Variants in IST1 observed in about 807,000 individuals in gnomAD.
The protein encoded by IST1 is IST1 homolog.
A neutral mutation model predicts 37.0 loss-of-function variants in IST1; 23 were observed. The observed-to-expected ratio is 0.62, with a 90% CI of 0.45 to 0.88. IST1 has a LOEUF of 0.88. Among genes scored for constraint, IST1 ranks in the 40% least tolerant of loss-of-function variants. The pLI is 0.00. For missense variants in IST1, 488 were observed against 445.4 expected, an observed-to-expected ratio of 1.10 and a Z score of -0.86; for synonymous variants, 180 against 161.7, an observed-to-expected ratio of 1.11 and a Z score of -0.86.
intron 7 of IST1, 49 bp from the exon 8 acceptor site, chr16:71,923,239 A>G: frequency 9.2e-7 from 1 of 1,090,554 alleles, no homozygotes. Context: ...AACCTTCGAG[A>G]TTGCAAACTG....
chr16:71,921,392 G>A lies in IST1; in HGVS notation c.491G>A (p.Arg164Lys). 6.2e-7 allele frequency: 1 copy of A among 1,613,910 alleles called. No homozygotes were observed. The highest frequency in any genetic ancestry group is 8.5e-7 in the Non-Finnish European group (1 of 1,179,902). The change falls in exon 6 of 10, where the codon AGA becomes AAA. Residue 164 changes from arginine (R) to lysine (K), a missense_variant. By Grantham distance (26) the Arg-to-Lys change is conservative (BLOSUM62 2). This residue lies in a region of IST1 where 455 missense variants were observed against 386.2 expected (regional missense o/e 1.18). Transcript: ENST00000378799. The stretch of plus-strand genomic sequence containing the variant: ...GCCCCACCCAAAATCCTGGTGGAGA[G>A]ATACCTGATTGAAATTGCAAAGAAT... ...VEAPPKILVE[R>K]YLIEIAKNYN... is the part of the protein sequence containing the mutation.
chr16:71,921,650 A>G (rs1597253727), intron 6 of IST1, 197 bp downstream of exon 6: 2 of 520,382 alleles, frequency 3.8e-6, no homozygotes, highest in East Asian at 3.1e-5. Flanking sequence ...ACACTTTGAG[A>G]AGGTCAAAAC....
At chr16:71,919,945 G>A (rs1567470744) in intron 4 of IST1, among the ~76,000 whole-genome samples, 1 of 152,138 alleles carries the variant, frequency 6.6e-6, no homozygotes, top group Non-Finnish European at 1.5e-5. Context: ...ACCTTCTGCA[G>A]AAAGGGTGCT....
chr16:71,923,743 T>TA (rs1259639260), intron 8 of IST1, among the ~76,000 whole-genome samples: 4 of 152,204 alleles, frequency 2.6e-5, no homozygotes, highest in African/African-American at 9.6e-5. Context: ...ATTAAAATAT[T>TA]AGTCCTATGT....
In IST1 at chr16:71,930,004, C is replaced by T; in HGVS notation, c.*2191C>T. The T allele has an allele frequency of 6.6e-7, 1 of 1,515,832 alleles. No homozygotes were observed. The allele number at this position is 1,515,832 out of a possible 1,614,324, so 93.9% of individuals were successfully genotyped here. ...CATCTTAGGGGCAGTTACAGTGGAG[C>T]TTTCCCAGTGATATAACAGCATGCT... is the stretch of plus-strand genomic sequence containing the variant. On this transcript the variant is annotated 3_prime_UTR_variant, in exon 10 of 10. Coordinates refer to ENST00000378799, the MANE Select transcript of IST1 (RefSeq NM_001270975.2).
intron 1 of IST1, among the ~76,000 whole-genome samples, chr16:71,902,627 A>G (rs2037133685): frequency 6.6e-6 from 1 of 152,188 alleles, no homozygotes; most frequent in Non-Finnish European, 1.5e-5. Flanking sequence ...CTTTGTGTCA[A>G]ATTTAGTAAA....
Position 71,915,601 on chromosome 16 carries a change from G to C in IST1, c.-15-25G>C. ...CTGAACTAATGTTGACTTGAAAATA[G>C]TCATTGTGCTTCTTCTGTTTCTAGG... On this transcript the variant is annotated intron_variant, in intron 1 of 9. Transcript: ENST00000378799. The C allele has an allele frequency of 3.9e-6, 6 of 1,532,696 alleles. No homozygotes were observed. In the South Asian group the frequency reaches 4.6e-5, roughly 12 times the overall value. The allele number at this position is 1,532,696 out of a possible 1,614,324, so 94.9% of individuals were successfully genotyped here.
At chr16:71,900,523 C>T (rs768410558) in intron 1 of IST1, among the ~76,000 whole-genome samples, 78 of 151,760 alleles carry the variant, frequency 5.1e-4, no homozygotes, top group Non-Finnish European at 1.0e-3. Context: ...CTAACTAGCT[C>T]GCGAAGTCTC....
intron 1 of IST1, among the ~76,000 whole-genome samples, chr16:71,915,089 G>A (rs1207056096): frequency 6.6e-6 from 1 of 152,146 alleles, no homozygotes; most frequent in Non-Finnish European, 1.5e-5. Flanking sequence ...GTACTCTTGG[G>A]TACTAGCTTT....
At chr16:71,910,138 C>T (rs1432497780) in intron 1 of IST1, among the ~76,000 whole-genome samples, 1 of 152,096 alleles carries the variant, frequency 6.6e-6, no homozygotes, top group Non-Finnish European at 1.5e-5. Context: ...TCTAAAATTG[C>T]AGGAATAAAC....
intron 9 of IST1, 111 bp downstream of exon 9, chr16:71,924,928 C>T (rs948285242): frequency 1.3e-6 from 1 of 749,492 alleles, no homozygotes; most frequent in South Asian, 1.6e-5. Context: ...CTTCTATCTG[C>T]ATGCCCTGTT....
chr16:71,920,180 A>G (rs2037548237), intron 4 of IST1, among the ~76,000 whole-genome samples: 1 of 152,180 alleles, frequency 6.6e-6, no homozygotes, highest in South Asian at 2.1e-4. Flanking sequence ...AGACTTAGAA[A>G]AGTACTAACA....
intron 1 of IST1, among the ~76,000 whole-genome samples, chr16:71,906,202 G>T (rs992052484): frequency 2.0e-5 from 3 of 150,836 alleles, no homozygotes; most frequent in East Asian, 1.9e-4. Context: ...ACGGGGTTTC[G>T]CTGTGTTAGC....
rs1412371440 is a variant in IST1, at chr16:71,918,620, G to A, written c.357+1486G>A. On this transcript the variant is annotated intron_variant, in intron 4 of 9. Coordinates refer to ENST00000378799, the MANE Select transcript of IST1 (RefSeq NM_001270975.2). Reference sequence around the variant, plus strand: ...TTTGGTAGAGACGGGATTTCATCATGTTGACCAGGCTGGTCTCGAACTCCT... The same window carrying A: ...TTTGGTAGAGACGGGATTTCATCATATTGACCAGGCTGGTCTCGAACTCCT... 1.1e-3 allele frequency among the ~76,000 whole-genome samples: 164 copies of A among 152,178 alleles called. 1 individual carries two copies. Among genetic ancestry groups the A allele is most frequent in the Non-Finnish European group, 6.5e-4 (44 of 67,996 alleles).
chr16:71,910,250 A>G (rs573262957), intron 1 of IST1, among the ~76,000 whole-genome samples: 13 of 152,128 alleles, frequency 8.5e-5, no homozygotes, highest in Non-Finnish European at 1.8e-4. Context: ...TTTGTCCAGC[A>G]TATCCACGCT....
chr16:71,896,559 A>G (rs746179253), intron 1 of IST1, among the ~76,000 whole-genome samples: 10 of 152,210 alleles, frequency 6.6e-5, no homozygotes, highest in Admixed American at 2.0e-4. Context: ...GTTGAAATAT[A>G]TATGTATATA....
intron 1 of IST1, among the ~76,000 whole-genome samples, chr16:71,912,427 CGG>C (rs1340203047): frequency 6.6e-6 from 1 of 152,058 alleles, no homozygotes; most frequent in Admixed American, 6.6e-5. Flanking sequence ...TTAGTGGAGA[CGG>C]GGTTTCACCG....
At chr16:71,908,040 G>A (rs1292762004) in intron 1 of IST1, among the ~76,000 whole-genome samples, 1 of 152,060 alleles carries the variant, frequency 6.6e-6, no homozygotes, top group African/African-American at 2.4e-5. Flanking sequence ...CGCCTCCCGG[G>A]TTCAAGCAGT....
intron 1 of IST1, among the ~76,000 whole-genome samples, chr16:71,913,736 A>G (rs2037408383): frequency 6.6e-6 from 1 of 151,618 alleles, no homozygotes; most frequent in East Asian, 1.9e-4. Context: ...CATGGGCTCA[A>G]GCAGTCCTCC....
Sources: gnomAD v4.1 joint callset for allele counts (sites outside exome capture counted in the v4.1 genomes callset) on GRCh38, gnomAD v4.1.1 for gene constraint, gnomAD v4.1.1 regional missense constraint, MANE v1.5 for transcripts, NCBI Gene and HGNC (gene_info 2026-07-23, HGNC 2026-07-21) for gene names.